Variants in FKBP5 observed in about 807,000 individuals in gnomAD.
The protein encoded by FKBP5 is FKBP prolyl isomerase 5.
In FKBP5, 23 loss-of-function variants were observed where a neutral mutation model predicts 50.5. The observed-to-expected ratio is 0.46, with a 90% CI of 0.33 to 0.65. FKBP5 has a LOEUF of 0.65. Ranked by LOEUF, FKBP5 falls within the 30% of genes least tolerant of loss-of-function variation. The pLI, the probability that FKBP5 is intolerant of heterozygous loss-of-function variation, is 0.02. For synonymous variants in FKBP5, 176 were observed against 190.6 expected (o/e 0.92, Z 0.63); for missense variants, 411 against 553.1 (o/e 0.74, Z 2.58).
At chr6:35,603,654 T>G (rs1237864323) in intron 5 of FKBP5, among the ~76,000 whole-genome samples, 1 of 132,660 alleles carries the variant, frequency 7.5e-6, no homozygotes, top group East Asian at 2.1e-4. Flanking sequence ...TTTTTTTTTG[T>G]AACAACAACA....
intron 7 of FKBP5, among the ~76,000 whole-genome samples, chr6:35,590,610 G>A (rs1368577078): frequency 1.3e-5 from 2 of 152,036 alleles, no homozygotes; most frequent in Admixed American, 6.6e-5. Context: ...AAATGGCTTC[G>A]GGTTAGCTGC....
intron 2 of FKBP5, among the ~76,000 whole-genome samples, chr6:35,699,518 T>C (rs1766141155): frequency 6.6e-6 from 1 of 152,192 alleles, no homozygotes; most frequent in Admixed American, 6.6e-5. Context: ...CTCTTACATG[T>C]ACAATACACT....
At chr6:35,591,974 C>T (rs1762835540) in intron 6 of FKBP5, among the ~76,000 whole-genome samples, 1 of 152,102 alleles carries the variant, frequency 6.6e-6, no homozygotes, top group Non-Finnish European at 1.5e-5. Context: ...TTCTTGGGAT[C>T]ATGTAAGATC....
intron 5 of FKBP5, among the ~76,000 whole-genome samples, chr6:35,597,955 C>G (rs1336945968): frequency 6.6e-6 from 1 of 152,138 alleles, no homozygotes; most frequent in Non-Finnish European, 1.5e-5. Flanking sequence ...AAGACAACAA[C>G]ATCAATAACT....
chr6:35,575,668 C>T lies in FKBP5; in HGVS notation c.*167G>A, dbSNP rs548865716. 114 of 619,916 alleles carry T rather than the reference C, an allele frequency of 1.8e-4. No homozygotes were observed. The East Asian group carries it at 2.8e-3, about 15-fold the overall frequency. The allele number at this position is 619,916 out of a possible 1,614,324, so 38.4% of individuals were successfully genotyped here. ...GCCACCCCTCAGTGAACCCTCCGGG[C>T]AGCAGCAGGGGGGCTGTTTTTGGGA... On this transcript the variant is annotated 3_prime_UTR_variant, in exon 11 of 11. Coordinates refer to ENST00000357266, the MANE Select transcript of FKBP5 (RefSeq NM_004117.4).
At chr6:35,671,584 G>A (rs1349703209) in intron 1 of FKBP5, among the ~76,000 whole-genome samples, 1 of 151,878 alleles carries the variant, frequency 6.6e-6, no homozygotes, top group Non-Finnish European at 1.5e-5. Context: ...CTCTCTCAAG[G>A]TATCAGAATT....
At chr6:35,712,814 A>C (rs1719193390) in intron 2 of FKBP5, among the ~76,000 whole-genome samples, 1 of 152,094 alleles carries the variant, frequency 6.6e-6, no homozygotes, top group South Asian at 2.1e-4. Flanking sequence ...TGACCCTAGA[A>C]CTGAAGCTGG....
chr6:35,717,358 G>A (rs1766529229), intron 2 of FKBP5, among the ~76,000 whole-genome samples: 1 of 152,192 alleles, frequency 6.6e-6, no homozygotes, highest in Non-Finnish European at 1.5e-5. Context: ...GCGCCCATGT[G>A]TGTGCACACG....
At chr6:35,640,635 T>G (rs956225637) in intron 2 of FKBP5, among the ~76,000 whole-genome samples, 1 of 152,260 alleles carries the variant, frequency 6.6e-6, no homozygotes, top group African/African-American at 2.4e-5. Flanking sequence ...TGTAAACTTT[T>G]TTTTTAGCTT....
intron 5 of FKBP5, among the ~76,000 whole-genome samples, chr6:35,608,474 C>T (rs1235276393): frequency 4.6e-5 from 7 of 152,130 alleles, no homozygotes; most frequent in Non-Finnish European, 7.3e-5. Flanking sequence ...GCAGGCTGAT[C>T]GCTTATGCCC....
At chr6:35,583,670 G>A (rs1460082245) in intron 8 of FKBP5, 9 of 898,122 alleles carry the variant, frequency 1.0e-5, no homozygotes, top group Non-Finnish European at 1.2e-5. Context: ...GCAGAGGCCA[G>A]GAATGCTGCT....
intron 2 of FKBP5, among the ~76,000 whole-genome samples, chr6:35,709,537 T>C (rs906279978): frequency 6.6e-6 from 1 of 152,238 alleles, no homozygotes; most frequent in Non-Finnish European, 1.5e-5. Flanking sequence ...AAAGTGAACT[T>C]TTAAAAATCA....
intron 8 of FKBP5, chr6:35,586,211 C>T (rs898488403): frequency 5.1e-6 from 5 of 984,702 alleles, no homozygotes; most frequent in African/African-American, 1.8e-5. Flanking sequence ...GAATGAAGGG[C>T]GGTTTCTTTT....
intron 2 of FKBP5, among the ~76,000 whole-genome samples, chr6:35,715,331 C>G (rs967010187): frequency 2.6e-5 from 4 of 152,128 alleles, no homozygotes; most frequent in African/African-American, 4.8e-5. Flanking sequence ...TTCATCTCTC[C>G]GTGTATCATT....
At chr6:35,648,341 C>T (rs569416461) in intron 1 of FKBP5, among the ~76,000 whole-genome samples, 21 of 152,152 alleles carry the variant, frequency 1.4e-4, no homozygotes, top group Middle Eastern at 3.4e-3. Context: ...ACCGTCATAG[C>T]TCACTGCAGC....
chr6:35,669,035 C>T (rs750127215), intron 1 of FKBP5, among the ~76,000 whole-genome samples: 10 of 152,090 alleles, frequency 6.6e-5, no homozygotes, highest in South Asian at 2.1e-4. Flanking sequence ...ATGCAATTAA[C>T]TTTTCAAAAA....
At chr6:35,621,278 A>C (rs1409500730) in intron 3 of FKBP5, among the ~76,000 whole-genome samples, 1 of 152,216 alleles carries the variant, frequency 6.6e-6, no homozygotes, top group Non-Finnish European at 1.5e-5. Context: ...TACTGTAAGC[A>C]GTATCAAGTC....
upstream of FKBP5, among the ~76,000 whole-genome samples, chr6:35,690,781 C>T (rs887711200): frequency 6.6e-6 from 1 of 151,888 alleles, no homozygotes; most frequent in Admixed American, 6.6e-5. Context: ...CAGAGGTGGG[C>T]GGATCACCTG....
At chr6:35,721,290 T>C (rs934545007) in intron 1 of FKBP5, among the ~76,000 whole-genome samples, 6 of 151,576 alleles carry the variant, frequency 4.0e-5, no homozygotes, top group African/African-American at 1.5e-4. Context: ...AGGTGGAGGT[T>C]GCAGTGAGCT....
Sources: gnomAD v4.1 joint callset for allele counts (sites outside exome capture counted in the v4.1 genomes callset) on GRCh38, gnomAD v4.1.1 for gene constraint, MANE v1.5 for transcripts, NCBI Gene and HGNC (gene_info 2026-07-23, HGNC 2026-07-21) for gene names.